PEX14: variants seen among roughly 807,000 people sequenced by gnomAD.
PEX14 encodes the protein peroxisomal membrane protein PEX14.
In PEX14, 15 loss-of-function variants were observed where a neutral mutation model predicts 49.5. The ratio of observed to expected loss-of-function variants is 0.30; its 90% confidence interval spans 0.20 to 0.47. The LOEUF (loss-of-function observed/expected upper bound fraction) is 0.47, where lower values mean the gene tolerates loss of function less well. PEX14 is among the 20% of genes least tolerant of loss of function. The pLI is 1.00. For synonymous variants in PEX14, 210 were observed against 212.7 expected, an observed-to-expected ratio of 0.99 and a Z score of 0.11; for missense variants, 398 against 494.8, an observed-to-expected ratio of 0.80 and a Z score of 1.86.
At chr1:10,506,997 T>G (rs1641794012) in intron 2 of PEX14, among the ~76,000 whole-genome samples, 1 of 152,264 alleles carries the variant, frequency 6.6e-6, no homozygotes, top group Admixed American at 6.5e-5. Flanking sequence ...ATTTTTTGAT[T>G]AACCGAACAA....
intron 3 of PEX14, among the ~76,000 whole-genome samples, chr1:10,575,049 A>G (rs1640081656): frequency 6.6e-6 from 1 of 151,746 alleles, no homozygotes; most frequent in Non-Finnish European, 1.5e-5. Flanking sequence ...CTCCTAGACA[A>G]CAGAGCAAGA....
intron 3 of PEX14, among the ~76,000 whole-genome samples, chr1:10,591,599 C>T (rs1159939704): frequency 2.0e-5 from 3 of 151,290 alleles, no homozygotes; most frequent in African/African-American, 7.3e-5. Context: ...CCAGTGTTAC[C>T]AGTTTCCTGT....
intron 3 of PEX14, among the ~76,000 whole-genome samples, chr1:10,561,120 T>G (rs1458078170): frequency 6.6e-6 from 1 of 152,128 alleles, no homozygotes; most frequent in Non-Finnish European, 1.5e-5. Flanking sequence ...ATCATGACAC[T>G]TCACCTGTAA....
chr1:10,581,411 A>G (rs1241576430), intron 3 of PEX14, among the ~76,000 whole-genome samples: 2 of 150,834 alleles, frequency 1.3e-5, no homozygotes, highest in Non-Finnish European at 2.9e-5. Context: ...GTTTCAAGCA[A>G]TTCTCTGTCT....
At chr1:10,491,483 C>G (rs572397935) in intron 1 of PEX14, among the ~76,000 whole-genome samples, 3 of 150,718 alleles carry the variant, frequency 2.0e-5, no homozygotes, top group Non-Finnish European at 4.4e-5. Flanking sequence ...TGGGATCAAG[C>G]GAGCCTCCTG....
chr1:10,623,772 G>A lies in PEX14; in HGVS notation c.488-568G>A, dbSNP rs536202465. 5.6e-4 allele frequency among the ~76,000 whole-genome samples: 85 copies of A among 152,346 alleles called. No homozygotes were observed. The highest frequency in any genetic ancestry group is 1.8e-3 in the African/African-American group (74 of 41,582). ...GAAGCTCACAGAAACCCTCTGACAC[G>A]TCCATCCTGCTGCCGTTTGCTCCTG... On this transcript the variant is annotated intron_variant, in intron 6 of 8. Coordinates refer to ENST00000356607, the MANE Select transcript of PEX14 (RefSeq NM_004565.3). This position sits in a 1 kb window ranked among gnomAD's most constrained non-coding sequence, Gnocchi z 4.4.
intron 1 of PEX14, among the ~76,000 whole-genome samples, chr1:10,486,750 C>T (rs376474566): frequency 1.3e-5 from 2 of 149,440 alleles, no homozygotes; most frequent in East Asian, 2.0e-4. Context: ...TGCAGTGGCG[C>T]GATCTCGGCT....
At chr1:10,485,358 G>A (rs1641350347) in intron 1 of PEX14, among the ~76,000 whole-genome samples, 1 of 138,456 alleles carries the variant, frequency 7.2e-6, no homozygotes, top group Admixed American at 7.7e-5. Flanking sequence ...TGTCGCCCAA[G>A]CTGGAGTGCA....
intron 4 of PEX14, among the ~76,000 whole-genome samples, chr1:10,609,459 A>G (rs1332764550): frequency 6.6e-6 from 1 of 152,266 alleles, no homozygotes; most frequent in Non-Finnish European, 1.5e-5. Context: ...CAACACTACA[A>G]TCACAATATA....
At chr1:10,501,033 A>C (rs1048785387) in intron 2 of PEX14, among the ~76,000 whole-genome samples, 1 of 152,254 alleles carries the variant, frequency 6.6e-6, no homozygotes, top group African/African-American at 2.4e-5. Context: ...TTTTACAAGC[A>C]CATGGGTAAT....
rs545452404 is a variant in PEX14 at position 10,499,597 on chromosome 1, C to T, written c.84+4276C>T. On this transcript the variant is annotated intron_variant, in intron 2 of 8. Coordinates refer to ENST00000356607, the MANE Select transcript of PEX14 (RefSeq NM_004565.3). ...CAGAGTAGCTGGGATTACAGGTACG[C>T]GCCGCCATGCCCAGCTAATTTTTGT... is the stretch of plus-strand genomic sequence containing the variant. Among the ~76,000 whole-genome samples, 5 of 151,962 alleles carry T rather than the reference C, an allele frequency of 3.3e-5. No individual in the cohort carries two copies. In the East Asian group the frequency reaches 5.8e-4, roughly 18 times the overall value.
At chr1:10,585,645 C>T (rs1056788430) in intron 3 of PEX14, among the ~76,000 whole-genome samples, 2 of 152,204 alleles carry the variant, frequency 1.3e-5, no homozygotes, top group Non-Finnish European at 2.9e-5. Flanking sequence ...GAAGGCCAGG[C>T]GTGGTGGCTC....
chr1:10,624,175 G>A (rs1044975284), intron 6 of PEX14, among the ~76,000 whole-genome samples, 165 bp from the exon 7 acceptor site: 2 of 152,256 alleles, frequency 1.3e-5, no homozygotes, highest in African/African-American at 2.4e-5. Flanking sequence ...AGTGCAGGCA[G>A]ATCACCCAGA....
At chr1:10,556,374 A>T (rs61777204) in intron 3 of PEX14, among the ~76,000 whole-genome samples, 2,348 of 152,170 alleles carry the variant, frequency 0.015, 70 homozygotes, top group African/African-American at 0.053. Flanking sequence ...TGTACCCCTC[A>T]TTAGGGACTT....
chr1:10,552,259 T>G lies in PEX14; in HGVS notation c.169+15962T>G, dbSNP rs537523480. 1.1e-3 allele frequency among the ~76,000 whole-genome samples: 169 copies of G among 152,212 alleles called. 2 individuals carry two copies. The highest frequency in any genetic ancestry group is 3.8e-3 in the African/African-American group (159 of 41,516). ...GAGTTCAAGACCAGCCTGGCCAATG[T>G]GGTGAAACTCCATCTCTACTAAAAA... On this transcript the variant is annotated intron_variant, in intron 3 of 8. Transcript: ENST00000356607.
intron 2 of PEX14, among the ~76,000 whole-genome samples, chr1:10,528,689 G>T (rs1430209321): frequency 6.6e-6 from 1 of 152,188 alleles, no homozygotes; most frequent in African/African-American, 2.4e-5. Context: ...AAAACCAGGG[G>T]ATACTGGAAG....
At chr1:10,627,103 T>C (rs184094766) in intron 7 of PEX14, among the ~76,000 whole-genome samples, 169 bp from the exon 8 acceptor site, 2 of 152,344 alleles carry the variant, frequency 1.3e-5, no homozygotes, top group Admixed American at 1.3e-4. Context: ...AAGGATGTTG[T>C]CATCCAGAGA....
chr1:10,495,439 C>T lies in PEX14; in HGVS notation c.84+118C>T, dbSNP rs1431490661. ...AGTGTCCCTTTAAAAGTAGCTGTTA[C>T]CTAGAGACTGCCTCTGTCAGTGACC... On this transcript the variant is annotated intron_variant, in intron 2 of 8. Transcript: ENST00000356607. The surrounding 1 kb of genome is among the most constrained non-coding windows in gnomAD (Gnocchi z 4.2). 1 of 803,248 alleles carries T rather than the reference C, an allele frequency of 1.2e-6. No homozygotes were observed. The highest frequency in any genetic ancestry group is 2.7e-5 in the East Asian group (1 of 36,926). The allele number at this position is 803,248 out of a possible 1,614,324, so 49.8% of individuals were successfully genotyped here. A position where few individuals can be genotyped will look rare whatever the true frequency, so the allele number is the denominator to read the frequency against.
chr1:10,532,169 C>T (rs988859041), intron 2 of PEX14, among the ~76,000 whole-genome samples: 3 of 152,052 alleles, frequency 2.0e-5, no homozygotes, highest in African/African-American at 7.3e-5. Context: ...AACCTGAAGT[C>T]CCCCCCGCTT....
Sources: gnomAD v4.1 joint callset for allele counts (sites outside exome capture counted in the v4.1 genomes callset) on GRCh38, gnomAD v4.1.1 for gene constraint, Gnocchi (gnomAD v3.1) non-coding constraint, MANE v1.5 for transcripts, NCBI Gene and HGNC (gene_info 2026-07-23, HGNC 2026-07-21) for gene names.